The following NTN1 variants were observed in gnomAD, a reference collection of about 807,000 sequenced individuals.
The protein encoded by NTN1 is netrin 1.
In NTN1, 11 loss-of-function variants were observed where a neutral mutation model predicts 54.2. The observed-to-expected ratio is 0.20, with a 90% CI of 0.13 to 0.34. The LOEUF (loss-of-function observed/expected upper bound fraction) is 0.34. Ranked by LOEUF, NTN1 falls within the 10% of genes least tolerant of loss-of-function variation. The pLI is 1.00. For missense variants in NTN1, 740 were observed against 893.1 expected (o/e 0.83, Z 2.18); for synonymous variants, 371 against 382.0 (o/e 0.97, Z 0.33).
intron 6 of NTN1, among the ~76,000 whole-genome samples, chr17:9,227,624 CTA>C (rs10533531): frequency 0.79 from 116,834 of 147,250 alleles, 46,220 homozygotes; most frequent in African/African-American, 0.85. Context: ...GATACACAGA[CTA>C]TCACGCACAC....
intron 2 of NTN1, among the ~76,000 whole-genome samples, 189 bp from the exon 3 acceptor site, chr17:9,162,624 C>T (rs764445689): frequency 1.3e-5 from 2 of 152,190 alleles, no homozygotes; most frequent in Admixed American, 1.3e-4. Flanking sequence ...TGTATTGTTA[C>T]GTGCCCAATA....
At chr17:9,190,575 G>C (rs1368447088) in intron 5 of NTN1, among the ~76,000 whole-genome samples, 1 of 152,236 alleles carries the variant, frequency 6.6e-6, no homozygotes, top group Non-Finnish European at 1.5e-5. Flanking sequence ...AAACAGGCCA[G>C]GTGCAGTGGC....
At chr17:9,034,975 T>C (rs1008364725) in intron 2 of NTN1, among the ~76,000 whole-genome samples, 1 of 151,308 alleles carries the variant, frequency 6.6e-6, no homozygotes, top group Admixed American at 6.6e-5. Flanking sequence ...GAGACGGAGT[T>C]TCGCTCTGTC....
intron 2 of NTN1, among the ~76,000 whole-genome samples, chr17:9,056,246 G>A (rs1215173429): frequency 1.3e-5 from 2 of 152,268 alleles, no homozygotes; most frequent in East Asian, 1.9e-4. Context: ...TAGTAGGGAC[G>A]AGGTTTCACC....
chr17:9,040,704 T>A (rs1229717542), intron 2 of NTN1, among the ~76,000 whole-genome samples: 1 of 152,200 alleles, frequency 6.6e-6, no homozygotes, highest in Admixed American at 6.5e-5. Context: ...TTGTTAAATA[T>A]GTTGTTTGTT....
At chr17:9,162,589 A>G (rs1468210721) in intron 2 of NTN1, among the ~76,000 whole-genome samples, 1 of 152,192 alleles carries the variant, frequency 6.6e-6, no homozygotes, top group Non-Finnish European at 1.5e-5. Flanking sequence ...GCTTCAACAT[A>G]AGAATTTTGG....
rs2092412655 is a variant in NTN1, at chr17:9,179,755, T to G, written c.1208-52T>G. On this transcript the variant is annotated intron_variant, in intron 3 of 6. Transcript: ENST00000173229. The stretch of plus-strand genomic sequence containing the variant: ...CTGGGTAGGGAAGGCTCTGCGGGGA[T>G]GCACTGGCCGCTTCCCCCTTGTCTG... 1.2e-5 allele frequency: 19 copies of G among 1,581,202 alleles called. No homozygotes were observed. In the South Asian group the frequency reaches 2.2e-4, roughly 19 times the overall value.
chr17:9,114,962 T>A (rs574774155), intron 2 of NTN1, among the ~76,000 whole-genome samples: 3 of 152,302 alleles, frequency 2.0e-5, no homozygotes, highest in African/African-American at 7.2e-5. Context: ...TTCTAGAACC[T>A]GACATGGTGG....
chr17:9,190,380 C>T (rs1295181797), intron 5 of NTN1, among the ~76,000 whole-genome samples: 1 of 152,156 alleles, frequency 6.6e-6, no homozygotes, highest in Non-Finnish European at 1.5e-5. Flanking sequence ...TTACATGAAA[C>T]ACGATTCCTA....
At chr17:9,205,088 A>G (rs1208350291) in intron 5 of NTN1, among the ~76,000 whole-genome samples, 4 of 152,210 alleles carry the variant, frequency 2.6e-5, no homozygotes, top group Non-Finnish European at 5.9e-5. Context: ...GGAACTTCAG[A>G]AACAGGTGCA....
chr17:9,017,394 C>A (rs1269139146), upstream of NTN1, among the ~76,000 whole-genome samples: 1 of 152,178 alleles, frequency 6.6e-6, no homozygotes, highest in Non-Finnish European at 1.5e-5. Flanking sequence ...GTAGTTTGAT[C>A]CAAAGGACTT....
chr17:9,163,506 A>ATG, intron 3 of NTN1, among the ~76,000 whole-genome samples: 2 of 147,486 alleles, frequency 1.4e-5, no homozygotes, highest in African/African-American at 5.0e-5. Context: ...ACACACACAC[A>ATG]CACACACACA....
rs115671961 is a variant in NTN1 at position 9,154,617 on chromosome 17, A to G, written c.1019-8196A>G. On this transcript the variant is annotated intron_variant, in intron 2 of 6. Coordinates refer to ENST00000173229, the MANE Select transcript of NTN1 (RefSeq NM_004822.3). ...GTGGGCAGCTGGAGTTGCTCCACCC[A>G]GCCATTTCAGGAGACGCTGAAAAGG... is the stretch of plus-strand genomic sequence containing the variant. 5.8e-3 allele frequency among the ~76,000 whole-genome samples: 885 copies of G among 152,206 alleles called. 9 individuals are homozygous for G. Among genetic ancestry groups the G allele is most frequent in the African/African-American group, 0.02 (827 of 41,502 alleles).
At chr17:9,110,062 CT>C (rs1001306570) in intron 2 of NTN1, among the ~76,000 whole-genome samples, 53 of 152,192 alleles carry the variant, frequency 3.5e-4, no homozygotes, top group African/African-American at 1.3e-3. Context: ...TGTTCCTGTC[CT>C]TTTCCCCTGC....
intron 3 of NTN1, chr17:9,173,655 C>CT (rs1198625444): frequency 6.6e-6 from 1 of 152,402 alleles, no homozygotes; most frequent in African/African-American, 2.4e-5. Context: ...AGAAGACTGT[C>CT]TCCCCCAGCC....
chr17:9,090,380 TG>T (rs1223328248), intron 2 of NTN1, among the ~76,000 whole-genome samples: 6 of 152,220 alleles, frequency 3.9e-5, no homozygotes, highest in Non-Finnish European at 5.9e-5. Flanking sequence ...TTCACCATGT[TG>T]GCCAGAACAG....
intron 2 of NTN1, among the ~76,000 whole-genome samples, chr17:9,126,371 G>C (rs148500405): frequency 1.3e-5 from 2 of 152,190 alleles, no homozygotes; most frequent in Non-Finnish European, 2.9e-5. Flanking sequence ...TTAGCCGGGC[G>C]TGGTGGCGCA....
chr17:9,106,508 CCTTCCTTCCTTCCTTCCTTCCTTT>C (rs1318804722), intron 2 of NTN1, among the ~76,000 whole-genome samples: 6 of 137,244 alleles, frequency 4.4e-5, no homozygotes, highest in Non-Finnish European at 9.8e-5. Context: ...TTCCTTCCTT[CCTTCCTTCCTTCCTTCCTTCCTTT>C]CGACAGAGTC....
chr17:9,211,975 T>C lies in NTN1; in HGVS notation c.1412-9193T>C, dbSNP rs1369070990. 6.6e-6 allele frequency among the ~76,000 whole-genome samples: 1 copy of C among 152,180 alleles called. No homozygotes were observed. Among genetic ancestry groups the C allele is most frequent in the Non-Finnish European group, 1.5e-5 (1 of 68,030 alleles). On this transcript the variant is annotated intron_variant, in intron 5 of 6. Transcript: ENST00000173229. The surrounding 1 kb of genome is among the most constrained non-coding windows in gnomAD (Gnocchi z 4.4). ...GCTTGCTTCTAGACCCTTACTTCCA[T>C]AGGTTGCTAAGCTCCTTGGCCAGTC...
Sources: gnomAD v4.1 joint callset for allele counts (sites outside exome capture counted in the v4.1 genomes callset) on GRCh38, gnomAD v4.1.1 for gene constraint, Gnocchi (gnomAD v3.1) non-coding constraint, MANE v1.5 for transcripts, NCBI Gene and HGNC (gene_info 2026-07-23, HGNC 2026-07-21) for gene names.